Variants in SLC8A2 observed in about 807,000 individuals in gnomAD.
SLC8A2 encodes sodium/calcium exchanger 2.
In SLC8A2, 14 loss-of-function variants were observed where a neutral mutation model predicts 70.2. The observed-to-expected ratio is 0.20, with a 90% confidence interval of 0.13 to 0.31. The LOEUF is 0.31. SLC8A2 is among the 10% of genes least tolerant of loss of function. The pLI is 1.00. For synonymous variants in SLC8A2, 575 were observed against 594.3 expected, an observed-to-expected ratio of 0.97 and a Z score of 0.47; for missense variants, 779 against 1,320.1, an observed-to-expected ratio of 0.59 and a Z score of 6.35.
chr19:47,441,319 C>T lies in SLC8A2; in HGVS notation c.1867+18G>A. The T allele has an allele frequency of 6.3e-7, 1 of 1,597,728 alleles. No individual in the cohort carries two copies. The highest frequency in any genetic ancestry group is 8.6e-7 in the Non-Finnish European group (1 of 1,165,130). On this transcript the variant is annotated intron_variant, in intron 5 of 9. Coordinates refer to ENST00000236877, the MANE Select transcript of SLC8A2 (RefSeq NM_015063.3). ...CTGGACCCCTTACTTCTCCCACAGCCCACTGGTCACCCCTCACCTGAAATC... is the reference window on the plus strand; with the variant it reads ...CTGGACCCCTTACTTCTCCCACAGCTCACTGGTCACCCCTCACCTGAAATC...
rs760096019 is a variant in SLC8A2, at chr19:47,457,068, C to A, written c.1202G>T (p.Ser401Ile). Reference sequence around the variant, plus strand: ...GCAGTTCTCCAGGCAGTGGTAGAGGCTAGGCTCGAAGAAGATGCGGCTGGC... The same window carrying A: ...GCAGTTCTCCAGGCAGTGGTAGAGGATAGGCTCGAAGAAGATGCGGCTGGC... ...DGASRIFFEP[S>I]LYHCLENCGS... Residue 401 changes from serine (S) to isoleucine (I), a missense_variant, in exon 3 of 10, where the codon AGC becomes ATC. Ser to Ile is a moderately radical substitution (Grantham distance 142). Transcript: ENST00000236877. The A allele has an allele frequency of 6.3e-7, 1 of 1,594,464 alleles. No homozygotes were observed. Among genetic ancestry groups the A allele is most frequent in the East Asian group, 2.3e-5 (1 of 43,894 alleles).
In SLC8A2 at chr19:47,437,493, C is replaced by G; in HGVS notation, c.2079G>C (p.Glu693Asp). 6.2e-7 allele frequency: 1 copy of G among 1,613,702 alleles called. No homozygotes were observed. The highest frequency in any genetic ancestry group is 8.5e-7 in the Non-Finnish European group (1 of 1,179,634). ...ALVIGTHSWREQFLEAITVSA... is the reference protein window; with the variant it reads ...ALVIGTHSWRDQFLEAITVSA... The stretch of plus-strand genomic sequence containing the variant: ...TCACCGTAATTGCCTCTAAAAACTG[C>G]TCCCTCCATGAATGGGTCCCAATTA... Residue 693 changes from glutamate (E) to aspartate (D), a missense_variant, in exon 8 of 10, where the codon GAG becomes GAC. By Grantham distance (45) the Glu-to-Asp change is conservative. This residue lies in a region of SLC8A2 where 247 missense variants were observed against 362.8 expected (regional missense o/e 0.68). Coordinates refer to ENST00000236877, the MANE Select transcript of SLC8A2 (RefSeq NM_015063.3).
chr19:47,457,183 C>T lies in SLC8A2; in HGVS notation c.1087G>A (p.Gly363Ser). 1 of 1,544,536 alleles carries T rather than the reference C, an allele frequency of 6.5e-7. No individual in the cohort carries two copies. Among genetic ancestry groups the T allele is most frequent in the Non-Finnish European group, 8.7e-7 (1 of 1,145,076 alleles). Residue 363 changes from glycine to serine, a missense_variant, in exon 3 of 10, where the codon GGC becomes AGC. Gly to Ser is a moderately conservative substitution (Grantham distance 56, BLOSUM62 0). Coordinates refer to ENST00000236877, the MANE Select transcript of SLC8A2 (RefSeq NM_015063.3). ...TGTCTGCGCAGCACGTTCCCGGCGC[C>T]GGTCATCAGCCGCGTGGCCTGGATG... is the stretch of plus-strand genomic sequence containing the variant. ...YRIQATRLMT[G>S]AGNVLRRHAA...
chr19:47,457,327 C>T lies in SLC8A2; in HGVS notation c.943G>A (p.Val315Ile). 6.5e-7 allele frequency: 1 copy of T among 1,542,884 alleles called. No individual in the cohort carries two copies. The highest frequency in any genetic ancestry group is 8.7e-7 in the Non-Finnish European group (1 of 1,144,294). The stretch of plus-strand genomic sequence containing the variant: ...TTGAGGTCCTTGAGGATCTGGATGA[C>T]CTCGCGGCGGCTGGCGTCCAGCTCG... Reference protein sequence around the residue: ...ARELDASRREVIQILKDLKQK... With the variant: ...ARELDASRREIIQILKDLKQK... The change falls in exon 3 of 10, where the codon GTC becomes ATC. Residue 315 changes from valine (V) to isoleucine (I), a missense_variant. Around this residue, in one of 6 missense-constraint regions of SLC8A2, gnomAD observed 186 missense variants for 246.6 expected, o/e 0.75. Transcript: ENST00000236877.
At chr19:47,461,717 T>G (rs954698827) in intron 2 of SLC8A2, among the ~76,000 whole-genome samples, 41 of 152,248 alleles carry the variant, frequency 2.7e-4, no homozygotes, top group Non-Finnish European at 5.9e-5. Context: ...ACTCTCTCCC[T>G]TGTATTAATT....
chr19:47,434,095 C>T (rs186362352), intron 8 of SLC8A2, among the ~76,000 whole-genome samples: 7 of 152,374 alleles, frequency 4.6e-5, no homozygotes, highest in Admixed American at 2.0e-4. Context: ...TGAGAACGAA[C>T]GTAGCTCCTG....
chr19:47,462,603 T>C (rs905980966), intron 2 of SLC8A2, among the ~76,000 whole-genome samples: 7 of 148,016 alleles, frequency 4.7e-5, no homozygotes, highest in African/African-American at 7.6e-5. Context: ...TTTTTTTTTT[T>C]CTGAGATGGA....
intron 3 of SLC8A2, among the ~76,000 whole-genome samples, chr19:47,453,165 C>T (rs1004111185): frequency 6.6e-6 from 1 of 152,180 alleles, no homozygotes; most frequent in Non-Finnish European, 1.5e-5. Flanking sequence ...TCAGAGATCA[C>T]GTTTAGTTTG....
chr19:47,440,033 T>C lies in SLC8A2; in HGVS notation c.1885+1136A>G, dbSNP rs1390426686. ...AGTTTGTTATAGCAGCTTGTATTGC[T>C]TCCTCCAACGAATACAATCTTTAAT... is the stretch of plus-strand genomic sequence containing the variant. On this transcript the variant is annotated intron_variant, in intron 6 of 9. Transcript: ENST00000236877. Among the ~76,000 whole-genome samples, 9 of 152,280 alleles carry C rather than the reference T, an allele frequency of 5.9e-5. No individual in the cohort carries two copies. In the East Asian group the frequency reaches 1.7e-3, roughly 29 times the overall value.
rs1482074687 is a variant in SLC8A2 at position 47,430,332 on chromosome 19, C to T, written c.2523G>A (p.Trp841Ter). 6.2e-7 allele frequency: 1 copy of T among 1,612,344 alleles called. No homozygotes were observed. The highest frequency in any genetic ancestry group is 1.7e-5 in the Admixed American group (1 of 59,914). The change falls in exon 10 of 10, where the codon TGG becomes TGA. Residue 841 changes from tryptophan to a stop codon, truncating the protein, a stop_gained. Transcript: ENST00000236877. LOFTEE classifies it high-confidence loss of function. This position sits in a 1 kb window ranked among gnomAD's most constrained non-coding sequence, Gnocchi z 5.9. ...CCTCGAAGGGGCGGCCCTGCACCGC[C>T]CAGTACACGGCGGCCACAGACCAGG... The part of the protein sequence containing the change: ...GVAWSVAAVY[W>*]AVQGRPFEVR...
intron 4 of SLC8A2, among the ~76,000 whole-genome samples, chr19:47,443,018 A>T (rs1460652882): frequency 6.6e-6 from 1 of 151,840 alleles, no homozygotes; most frequent in Non-Finnish European, 1.5e-5. Context: ...ACACCCTCTA[A>T]CATTTATTTA....
intron 3 of SLC8A2, among the ~76,000 whole-genome samples, chr19:47,451,827 A>C (rs148756191): frequency 2.6e-5 from 4 of 152,224 alleles, no homozygotes; most frequent in Non-Finnish European, 1.5e-5. Flanking sequence ...GAATCATTCT[A>C]GTAACTGGCC....
chr19:47,445,561 C>T (rs891338386), intron 4 of SLC8A2, among the ~76,000 whole-genome samples: 17 of 152,174 alleles, frequency 1.1e-4, no homozygotes, highest in African/African-American at 4.1e-4. Context: ...CTCTGGGTGT[C>T]TCTCCTCCAT....
At position 47,430,098 on chromosome 19, in the gene SLC8A2, C is replaced by T; in HGVS notation, c.2757G>A (p.Arg919=). ...GTCTCTGCGCGAGGCCCTAGAAGCC[C>T]CGGATGTGGCAGTACGCCTCCAGGC... ...FASLEAYCHI[R]GF Residue 919 remains arginine, a synonymous_variant, in exon 10 of 10, where the codon CGG becomes CGA. Coordinates refer to ENST00000236877, the MANE Select transcript of SLC8A2 (RefSeq NM_015063.3). This position sits in a 1 kb window ranked among gnomAD's most constrained non-coding sequence, Gnocchi z 5.9. 4 of 1,586,794 alleles carry T rather than the reference C, an allele frequency of 2.5e-6. No homozygotes were observed. The highest frequency in any genetic ancestry group is 3.4e-6 in the Non-Finnish European group (4 of 1,166,368).
intron 4 of SLC8A2, 48 bp from the exon 5 acceptor site, chr19:47,441,488 TC>T: frequency 8.7e-7 from 1 of 1,147,132 alleles, no homozygotes; most frequent in Non-Finnish European, 1.3e-6. Flanking sequence ...TAAGGCCCCC[TC>T]CCCAGACTCA....
intron 3 of SLC8A2, among the ~76,000 whole-genome samples, chr19:47,454,815 G>A (rs954827995): frequency 2.0e-5 from 3 of 152,218 alleles, no homozygotes; most frequent in Non-Finnish European, 4.4e-5. Context: ...GCCAGGTGCG[G>A]TGGCTCACGC....
At chr19:47,454,768 A>G (rs1967283436) in intron 3 of SLC8A2, among the ~76,000 whole-genome samples, 1 of 152,206 alleles carries the variant, frequency 6.6e-6, no homozygotes. Context: ...AGCCAGGCAC[A>G]CAGTGGTGGA....
In SLC8A2 at chr19:47,457,695, T is replaced by C. The variant is rs1023667328; in HGVS notation, c.676-101A>G. On this transcript the variant is annotated intron_variant, in intron 2 of 9. Transcript: ENST00000236877. ...CCGCCTCTGCCACTCCTCATCTCTC[T>C]CCCCAACCCCCAACCCCGCCCCGTC... 16 of 693,278 alleles carry C rather than the reference T, an allele frequency of 2.3e-5. No individual in the cohort carries two copies. In the African/African-American group the frequency reaches 2.7e-4, roughly 12 times the overall value. The allele number at this position is 693,278 out of a possible 1,614,324, so 42.9% of individuals were successfully genotyped here.
chr19:47,449,420 C>T (rs1041606881), intron 3 of SLC8A2, among the ~76,000 whole-genome samples: 10 of 152,118 alleles, frequency 6.6e-5, no homozygotes, highest in African/African-American at 1.4e-4. Flanking sequence ...CTCCCGGGTT[C>T]AAGGGATTCT....
Sources: gnomAD v4.1 joint callset for allele counts (sites outside exome capture counted in the v4.1 genomes callset) on GRCh38, gnomAD v4.1.1 for gene constraint, gnomAD v4.1.1 regional missense constraint, Gnocchi (gnomAD v3.1) non-coding constraint, MANE v1.5 for transcripts, NCBI Gene and HGNC (gene_info 2026-07-23, HGNC 2026-07-21) for gene names.